ATIC: variants seen among roughly 807,000 people sequenced by gnomAD.
ATIC encodes the protein bifunctional purine biosynthesis protein ATIC.
ATIC carries 64 observed loss-of-function variants against 72.5 expected under a neutral mutation model. That is an observed-to-expected ratio of 0.88 (90% confidence interval 0.72 to 1.09). The LOEUF (loss-of-function observed/expected upper bound fraction) is 1.09. Ranked by LOEUF, ATIC falls within the 50% of genes least tolerant of loss-of-function variation. The probability of loss-of-function intolerance (pLI) is 0.00; values close to 1 mark genes in which losing one functional copy is unlikely to be tolerated. For synonymous variants in ATIC, 281 were observed against 267.1 expected (o/e 1.05, Z -0.51); for missense variants, 787 against 732.4 (o/e 1.07, Z -0.86).
chr2:215,318,745 A>ATC (rs1328346590), intron 3 of ATIC, among the ~76,000 whole-genome samples: 1 of 152,226 alleles, frequency 6.6e-6, no homozygotes, highest in Non-Finnish European at 1.5e-5. Context: ...ATCATCAGAC[A>ATC]AGCCATTGAC....
chr2:215,338,230 AG>A (rs1389417284), intron 11 of ATIC, among the ~76,000 whole-genome samples: 1 of 152,244 alleles, frequency 6.6e-6, no homozygotes, highest in Non-Finnish European at 1.5e-5. Flanking sequence ...GGAAGATGGC[AG>A]TAAATGATAC....
intron 13 of ATIC, chr2:215,345,444 A>C (rs2053061342): frequency 6.0e-6 from 1 of 166,130 alleles, no homozygotes; most frequent in Admixed American, 5.6e-5. Context: ...GACCGCTGCC[A>C]CAATTAAATA....
chr2:215,332,131 C>CCT (rs1182456976), intron 7 of ATIC, among the ~76,000 whole-genome samples: 1 of 142,146 alleles, frequency 7.0e-6, no homozygotes, highest in African/African-American at 2.7e-5. Flanking sequence ...GTCCTCCAGT[C>CCT]GTGTGTGTGT....
the ATIC span, chr2:215,367,650 A>C: frequency 5.0e-6 from 3 of 604,908 alleles, no homozygotes; most frequent in Admixed American, 5.1e-5. Flanking sequence ...TTGTATTGGC[A>C]TACAACCCTT....
At chr2:215,356,312 G>C in the ATIC span, among the ~76,000 whole-genome samples, 5 of 152,178 alleles carry the variant, frequency 3.3e-5, no homozygotes, top group Non-Finnish European at 7.3e-5. Context: ...TCTATTTATG[G>C]ATAATTTTGT....
At position 215,342,161 on chromosome 2, in the gene ATIC, A is replaced by T. The variant is rs546352229; in HGVS notation, c.1228-2618A>T. Among the ~76,000 whole-genome samples, 3 of 152,200 alleles carry T rather than the reference A, an allele frequency of 2.0e-5. No individual in the cohort carries two copies. In the South Asian group the frequency reaches 6.2e-4, roughly 32 times the overall value. ...TGAGATTTAGGTGGGGACACAGCCA[A>T]ACCGTATCACCAAGATTATCTTTGA... is the stretch of plus-strand genomic sequence containing the variant. On this transcript the variant is annotated intron_variant, in intron 12 of 15. Coordinates refer to ENST00000236959, the MANE Select transcript of ATIC (RefSeq NM_004044.7).
intron 11 of ATIC, 111 bp from the exon 12 acceptor site, chr2:215,338,668 T>C: frequency 1.7e-6 from 2 of 1,148,724 alleles, no homozygotes; most frequent in Non-Finnish European, 2.4e-6. Context: ...TGTAAAAAAT[T>C]AGAAACATGC....
chr2:215,360,486 C>A, the ATIC span: 1 of 152,246 alleles, frequency 6.6e-6, no homozygotes, highest in Non-Finnish European at 1.5e-5. Context: ...ATTTCCCTTG[C>A]AGGCAATCTC....
Position 215,312,059 on chromosome 2 carries a change from G to A in ATIC, c.-84G>A. On this transcript the variant is annotated 5_prime_UTR_variant, in exon 1 of 16. Coordinates refer to ENST00000236959, the MANE Select transcript of ATIC (RefSeq NM_004044.7). ...GCTCCGCCCCCTCGCTTCCTGAGCC[G>A]CCACATCCCGGCAGCCCTCCTACCT... 6.6e-7 allele frequency: 1 copy of A among 1,516,492 alleles called. No individual in the cohort carries two copies. Among genetic ancestry groups the A allele is most frequent in the South Asian group, 1.2e-5 (1 of 82,872 alleles). The allele number at this position is 1,516,492 out of a possible 1,614,324, so 93.9% of individuals were successfully genotyped here. A position where few individuals can be genotyped will look rare whatever the true frequency, so the allele number is the denominator to read the frequency against.
rs1341107182 is a variant in ATIC at position 215,312,498 on chromosome 2, C to G, written c.20C>G (p.Ala7Gly). 1 of 1,614,206 alleles carries G rather than the reference C, an allele frequency of 6.2e-7. No homozygotes were observed. Among genetic ancestry groups the G allele is most frequent in the Admixed American group, 1.7e-5 (1 of 60,030 alleles). MAPGQLALFSVSDKTGL... is the reference protein window; with the variant it reads MAPGQLGLFSVSDKTGL... ...TGAGAAAAAATGTCTTCTCTTTCAG[C>G]CTTATTTAGTGTCTCTGACAAAACC... is the stretch of plus-strand genomic sequence containing the variant. The change falls in exon 2 of 16, where the codon GCC becomes GGC. Residue 7 changes from alanine to glycine, a missense_variant and splice_region_variant. Physicochemically the swap from Ala to Gly is moderately conservative, Grantham distance 60 (BLOSUM62 0). Coordinates refer to ENST00000236959, the MANE Select transcript of ATIC (RefSeq NM_004044.7).
chr2:215,327,347 C>T (rs975117129), intron 7 of ATIC, among the ~76,000 whole-genome samples: 1 of 152,092 alleles, frequency 6.6e-6, no homozygotes, highest in Non-Finnish European at 1.5e-5. Context: ...TGTGAAATTC[C>T]AACCTTTTAG....
At chr2:215,344,993 G>A in intron 13 of ATIC, 122 bp downstream of exon 13, 2 of 1,016,542 alleles carry the variant, frequency 2.0e-6, no homozygotes, top group Non-Finnish European at 3.0e-6. Context: ...TTTGTCTTTT[G>A]TGTTTGTCAG....
At chr2:215,317,351 G>A (rs2052721101) in intron 2 of ATIC, among the ~76,000 whole-genome samples, 2 of 152,226 alleles carry the variant, frequency 1.3e-5, no homozygotes, top group Non-Finnish European at 2.9e-5. Flanking sequence ...CTACATGCAT[G>A]ATTTTTTAAA....
the ATIC span, among the ~76,000 whole-genome samples, chr2:215,358,494 AG>A: frequency 6.6e-6 from 1 of 152,226 alleles, no homozygotes; most frequent in East Asian, 1.9e-4. Flanking sequence ...CAAACTGTTT[AG>A]CTGGGAGCTT....
At chr2:215,361,898 C>G in the ATIC span, 1 of 1,509,874 alleles carries the variant, frequency 6.6e-7, no homozygotes. Context: ...TTGGTTCATT[C>G]TGAAGAAAGA....
Position 215,312,154 on chromosome 2 carries a change from C to A in ATIC, c.12C>A (p.Gly4=). Reference sequence around the variant, plus strand: ...CAGTGCCTGCAGCCATGGCTCCCGGCCAGCTCGGTGAGGCCCTAGCGGAGC... The same window carrying A: ...CAGTGCCTGCAGCCATGGCTCCCGGACAGCTCGGTGAGGCCCTAGCGGAGC... MAP[G]QLALFSVSDK... Residue 4 remains glycine (G), a synonymous_variant, in exon 1 of 16, where the codon GGC becomes GGA. Coordinates refer to ENST00000236959, the MANE Select transcript of ATIC (RefSeq NM_004044.7). 6.6e-7 allele frequency: 1 copy of A among 1,523,032 alleles called. No homozygotes were observed. Among genetic ancestry groups the A allele is most frequent in the Non-Finnish European group, 8.8e-7 (1 of 1,142,226 alleles). The allele number at this position is 1,523,032 out of a possible 1,614,324, so 94.3% of individuals were successfully genotyped here.
intron 5 of ATIC, 99 bp from the exon 6 acceptor site, chr2:215,325,888 G>A: frequency 1.4e-6 from 2 of 1,439,770 alleles, no homozygotes; most frequent in Non-Finnish European, 1.9e-6. Flanking sequence ...TTTTAAGTCA[G>A]GAATTAAAAT....
chr2:215,362,003 T>G, the ATIC span: 1 of 1,614,122 alleles, frequency 6.2e-7, no homozygotes, highest in Non-Finnish European at 8.5e-7. Context: ...CTGAGAATAC[T>G]GGTTGTAGGA....
chr2:215,319,558 T>G (rs2052745242), intron 3 of ATIC, 107 bp from the exon 4 acceptor site: 3 of 864,044 alleles, frequency 3.5e-6, no homozygotes. Context: ...TAAATTTTTT[T>G]TTTAATCAAT....
Sources: gnomAD v4.1 joint callset for allele counts (sites outside exome capture counted in the v4.1 genomes callset) on GRCh38, gnomAD v4.1.1 for gene constraint, MANE v1.5 for transcripts, NCBI Gene and HGNC (gene_info 2026-07-23, HGNC 2026-07-21) for gene names.